The following ACCSL variants were observed in gnomAD, a reference collection of about 807,000 sequenced individuals.
ACCSL encodes the protein 1-aminocyclopropane-1-carboxylate synthase homolog (inactive) like, also known as probable inactive 1-aminocyclopropane-1-carboxylate synthase-like protein 2.
A neutral mutation model predicts 61.7 loss-of-function variants in ACCSL; 55 were observed. The ratio of observed to expected loss-of-function variants is 0.89; its 90% CI spans 0.72 to 1.12. The LOEUF (loss-of-function observed/expected upper bound fraction) is 1.12. Ranked by LOEUF, ACCSL falls within the 50% of genes most tolerant of loss-of-function variation. The pLI is 0.00. For synonymous variants in ACCSL, 258 were observed against 264.3 expected (o/e 0.98, Z 0.23); for missense variants, 632 against 698.0 (o/e 0.91, Z 1.07).
the ACCSL span, among the ~76,000 whole-genome samples, chr11:43,951,288 C>T: frequency 6.6e-6 from 1 of 152,192 alleles, no homozygotes; most frequent in East Asian, 1.9e-4. Context: ...TCTGTTGTTG[C>T]TTAGCCTTTC....
At chr11:43,998,764 AT>A in the ACCSL span, among the ~76,000 whole-genome samples, 12,870 of 141,056 alleles carry the variant, frequency 0.091, 685 homozygotes, top group East Asian at 0.32. Flanking sequence ...GTCACATGGC[AT>A]TTTTTTTTTT....
At chr11:44,010,968 G>T in the ACCSL span, among the ~76,000 whole-genome samples, 1 of 152,158 alleles carries the variant, frequency 6.6e-6, no homozygotes, top group Non-Finnish European at 1.5e-5. Context: ...TGGAAAAGCT[G>T]GGACATAAAA....
At chr11:44,050,415 G>A in intron 2 of ACCSL, 137 bp from the exon 3 acceptor site, 1 of 743,660 alleles carries the variant, frequency 1.3e-6, no homozygotes, top group Non-Finnish European at 2.3e-6. Flanking sequence ...TCATTAAGGA[G>A]CATGCAGTGT....
the ACCSL span, among the ~76,000 whole-genome samples, chr11:43,956,626 A>T: frequency 6.6e-6 from 1 of 152,176 alleles, no homozygotes; most frequent in Non-Finnish European, 1.5e-5. Context: ...TCACTGTGTT[A>T]GCCAGGCTGG....
the ACCSL span, among the ~76,000 whole-genome samples, chr11:44,024,514 C>A: frequency 1.3e-5 from 2 of 149,908 alleles, no homozygotes; most frequent in Admixed American, 6.7e-5. Flanking sequence ...TTTCTCTGGA[C>A]AACCCTAACT....
At chr11:44,007,061 A>C in the ACCSL span, among the ~76,000 whole-genome samples, 1 of 152,074 alleles carries the variant, frequency 6.6e-6, no homozygotes, top group Admixed American at 6.5e-5. Flanking sequence ...CCAAAAATAG[A>C]GATAAAGCTG....
chr11:43,943,355 T>C, the ACCSL span: 1 of 1,383,478 alleles, frequency 7.2e-7, no homozygotes, highest in Non-Finnish European at 9.3e-7. The surrounding 1 kb of genome is among the most constrained non-coding windows in gnomAD (Gnocchi z 4.8). Flanking sequence ...GCCCGCGCCC[T>C]GCTCCCGGGG....
At chr11:44,050,720 C>A in intron 3 of ACCSL, 98 bp downstream of exon 3, 1 of 1,121,944 alleles carries the variant, frequency 8.9e-7, no homozygotes, top group Admixed American at 2.0e-5. Flanking sequence ...TGGTTACCTC[C>A]CTATCTCTTT....
chr11:43,935,618 C>A, the ACCSL span, among the ~76,000 whole-genome samples: 3 of 152,378 alleles, frequency 2.0e-5, no homozygotes, highest in East Asian at 5.8e-4. Context: ...AGGCCAGACA[C>A]AGAGTGAGTG....
At chr11:44,001,038 G>A in the ACCSL span, 11 of 152,220 alleles carry the variant, frequency 7.2e-5, no homozygotes, top group African/African-American at 2.6e-4. Context: ...CTGCCTCCTC[G>A]ATAGATGATA....
chr11:43,979,695 A>G, the ACCSL span, among the ~76,000 whole-genome samples: 1 of 152,026 alleles, frequency 6.6e-6, no homozygotes, highest in Non-Finnish European at 1.5e-5. Flanking sequence ...AAAAATACAG[A>G]AATTACCTGG....
At chr11:44,002,410 C>T in the ACCSL span, among the ~76,000 whole-genome samples, 3 of 152,152 alleles carry the variant, frequency 2.0e-5, no homozygotes, top group South Asian at 2.1e-4. Flanking sequence ...AAGCCCCCCG[C>T]GTGGTTTCTA....
the ACCSL span, among the ~76,000 whole-genome samples, chr11:44,033,836 T>G: frequency 6.6e-6 from 1 of 152,100 alleles, no homozygotes; most frequent in Non-Finnish European, 1.5e-5. Context: ...GGAAAACAGC[T>G]TATTCATATT....
chr11:43,975,356 A>G, the ACCSL span, among the ~76,000 whole-genome samples: 10 of 152,352 alleles, frequency 6.6e-5, no homozygotes, highest in South Asian at 1.9e-3. Context: ...CAAGGTACTG[A>G]CTTTAAAAAA....
At chr11:43,928,783 C>T in the ACCSL span, among the ~76,000 whole-genome samples, 22 of 152,324 alleles carry the variant, frequency 1.4e-4, no homozygotes, top group East Asian at 2.9e-3. Context: ...GTCATTCCTC[C>T]GCTCTCGGGA....
the ACCSL span, among the ~76,000 whole-genome samples, chr11:43,955,135 G>A: frequency 3.3e-5 from 5 of 152,152 alleles, no homozygotes; most frequent in African/African-American, 4.8e-5. Flanking sequence ...AGCTGGTAGC[G>A]AGTCAGGTGA....
At chr11:43,991,974 T>C in the ACCSL span, among the ~76,000 whole-genome samples, 1 of 152,118 alleles carries the variant, frequency 6.6e-6, no homozygotes, top group Non-Finnish European at 1.5e-5. Context: ...CCCCTCACTT[T>C]CTTTTCTTAA....
At chr11:44,004,347 C>A in the ACCSL span, among the ~76,000 whole-genome samples, 3 of 152,006 alleles carry the variant, frequency 2.0e-5, no homozygotes, top group Non-Finnish European at 4.4e-5. Flanking sequence ...CCCCCGCATA[C>A]CGCCCTGGGG....
the ACCSL span, among the ~76,000 whole-genome samples, chr11:43,992,812 G>C: frequency 6.6e-6 from 1 of 152,218 alleles, no homozygotes; most frequent in Non-Finnish European, 1.5e-5. Flanking sequence ...ATGTATAATG[G>C]TTCAAACACA....
Sources: gnomAD v4.1 joint callset for allele counts (sites outside exome capture counted in the v4.1 genomes callset) on GRCh38, gnomAD v4.1.1 for gene constraint, Gnocchi (gnomAD v3.1) non-coding constraint, MANE v1.5 for transcripts, NCBI Gene and HGNC (gene_info 2026-07-23, HGNC 2026-07-21) for gene names.